SOX5: variants seen among roughly 807,000 people sequenced by gnomAD.
SOX5 encodes the protein SRY-box transcription factor 5, also known as transcription factor SOX-5.
In SOX5, 9 loss-of-function variants were observed where a neutral mutation model predicts 92.0. That is an observed-to-expected ratio of 0.10 (90% confidence interval 0.06 to 0.17). The LOEUF (loss-of-function observed/expected upper bound fraction) is 0.17, where lower values mean the gene tolerates loss of function less well. Among genes scored for constraint, SOX5 ranks in the 10% least tolerant of loss-of-function variants. The probability of loss-of-function intolerance (pLI) is 1.00; values close to 1 mark genes in which losing one functional copy is unlikely to be tolerated. For synonymous variants in SOX5, 344 were observed against 336.3 expected (o/e 1.02, Z -0.25); for missense variants, 642 against 944.5 (o/e 0.68, Z 4.20).
intron 3 of SOX5, among the ~76,000 whole-genome samples, chr12:24,257,231 T>C (rs534867444): frequency 3.3e-5 from 5 of 152,318 alleles, no homozygotes; most frequent in South Asian, 4.1e-4. Flanking sequence ...CTAATTATCA[T>C]TGCTAAATTT....
intron 2 of SOX5, among the ~76,000 whole-genome samples, chr12:24,340,909 ATCTGAGGAAAG>A (rs1952501780): frequency 6.6e-6 from 1 of 152,166 alleles, no homozygotes; most frequent in Admixed American, 6.5e-5. Context: ...GGTGGTTAGA[ATCTGAGGAAAG>A]GACTCAACAA....
rs1336855192 is a variant in SOX5 at position 24,453,918 on chromosome 12, G to C, written c.-250-85279C>G. Among the ~76,000 whole-genome samples, 3 of 152,118 alleles carry C rather than the reference G, an allele frequency of 2.0e-5. No individual in the cohort carries two copies. The East Asian group carries it at 5.8e-4, about 29-fold the overall frequency. ...AATAGCTCTTTCATTTTTGAAGGCC[G>C]AGTGTTTCCATTTTCTTGTATACTA... On this transcript the variant is annotated intron_variant, in intron 1 of 4. Transcript: ENST00000446891.
intron 6 of SOX5, among the ~76,000 whole-genome samples, chr12:23,707,440 C>G (rs1390296606): frequency 6.6e-6 from 1 of 152,112 alleles, no homozygotes; most frequent in African/African-American, 2.4e-5. Context: ...ATGAGTCAGA[C>G]TGAATGTGTA....
upstream of SOX5, among the ~76,000 whole-genome samples, chr12:23,952,661 T>C (rs1428430650): frequency 6.6e-6 from 1 of 152,148 alleles, no homozygotes; most frequent in Non-Finnish European, 1.5e-5. Context: ...GGAGTTGAAA[T>C]AGACGAGGAA....
intron 2 of SOX5, among the ~76,000 whole-genome samples, chr12:23,893,867 G>T (rs886382227): frequency 6.6e-5 from 10 of 152,162 alleles, no homozygotes; most frequent in African/African-American, 2.4e-4. Flanking sequence ...CATAACTTAC[G>T]TAAGCTCACA....
chr12:24,021,976 C>A (rs1954344448), intron 4 of SOX5, among the ~76,000 whole-genome samples: 1 of 152,188 alleles, frequency 6.6e-6, no homozygotes. Context: ...TATTTGTTCA[C>A]TTCTTTATCT....
intron 3 of SOX5, among the ~76,000 whole-genome samples, chr12:23,759,059 ACACACACT>A (rs1434147614): frequency 1.7e-5 from 2 of 118,524 alleles, no homozygotes; most frequent in Non-Finnish European, 3.8e-5. Flanking sequence ...ACACACACAC[ACACACACT>A]GTCCCTCATT....
At chr12:24,193,589 T>G (rs1237938855) in intron 4 of SOX5, among the ~76,000 whole-genome samples, 2 of 152,232 alleles carry the variant, frequency 1.3e-5, no homozygotes, top group East Asian at 3.8e-4. Flanking sequence ...TGCTATGCAC[T>G]CTCTTTGAGC....
At chr12:24,475,958 G>A (rs1945319363) in intron 1 of SOX5, among the ~76,000 whole-genome samples, 2 of 149,854 alleles carry the variant, frequency 1.3e-5, no homozygotes, top group Admixed American at 6.7e-5. Context: ...GTCTAGCCTG[G>A]ATGACAGAGC....
At chr12:24,281,008 G>GA (rs3031153) in intron 2 of SOX5, among the ~76,000 whole-genome samples, 18 of 141,908 alleles carry the variant, frequency 1.3e-4, no homozygotes, top group African/African-American at 4.7e-4. Flanking sequence ...AGAGAGGAAA[G>GA]AAAAAAAAAA....
At chr12:24,208,666 C>G (rs563632109) in intron 4 of SOX5, among the ~76,000 whole-genome samples, 1 of 152,168 alleles carries the variant, frequency 6.6e-6, no homozygotes, top group Non-Finnish European at 1.5e-5. Flanking sequence ...GATTTCACAT[C>G]GTATTCATTT....
At chr12:24,130,562 G>A (rs996007913) in intron 4 of SOX5, among the ~76,000 whole-genome samples, 1 of 152,124 alleles carries the variant, frequency 6.6e-6, no homozygotes, top group African/African-American at 2.4e-5. Context: ...GGTTTGCTGG[G>A]AGGAGCAGCA....
At chr12:24,031,845 T>C (rs1476206515) in intron 4 of SOX5, among the ~76,000 whole-genome samples, 2 of 151,762 alleles carry the variant, frequency 1.3e-5, no homozygotes, top group Non-Finnish European at 2.9e-5. Context: ...GGAGTGACAT[T>C]ATAAAGTTCT....
intron 4 of SOX5, among the ~76,000 whole-genome samples, chr12:24,047,718 A>G (rs1038119242): frequency 6.6e-6 from 1 of 152,224 alleles, no homozygotes; most frequent in South Asian, 2.1e-4. Flanking sequence ...TTATTCAACA[A>G]GATCATACTG....
chr12:24,324,943 T>C (rs1418093023), intron 2 of SOX5, among the ~76,000 whole-genome samples: 1 of 152,118 alleles, frequency 6.6e-6, no homozygotes, highest in Non-Finnish European at 1.5e-5. Flanking sequence ...ATAATGTAAA[T>C]ATTTACTCTT....
intron 3 of SOX5, among the ~76,000 whole-genome samples, chr12:23,756,184 C>A (rs945647141): frequency 4.0e-5 from 6 of 151,266 alleles, no homozygotes; most frequent in Non-Finnish European, 8.9e-5. Flanking sequence ...ATGTGTTTAA[C>A]ATCGTGTGGC....
rs546751417 is a variant in SOX5, at chr12:24,431,250, A to G, written c.-250-62611T>C. 1.3e-4 allele frequency among the ~76,000 whole-genome samples: 20 copies of G among 152,304 alleles called. No individual in the cohort carries two copies. The South Asian group carries it at 4.1e-3, about 32-fold the overall frequency. On this transcript the variant is annotated intron_variant, in intron 1 of 4. Transcript: ENST00000446891. ...GGTTCAAACTCACACCCTTCTGACT[A>G]TGATGCATGGATGCTTTCCATCCTA...
At chr12:23,772,602 T>C (rs1400872373) in intron 3 of SOX5, among the ~76,000 whole-genome samples, 4 of 152,202 alleles carry the variant, frequency 2.6e-5, no homozygotes, top group Non-Finnish European at 5.9e-5. Flanking sequence ...GCTTTACATA[T>C]GTTTATTTTT....
chr12:23,895,432 T>G (rs969645730), intron 2 of SOX5, among the ~76,000 whole-genome samples: 3 of 152,104 alleles, frequency 2.0e-5, no homozygotes, highest in Non-Finnish European at 4.4e-5. Context: ...CTATGTTCAT[T>G]GTAACTCTAC....
Sources: gnomAD v4.1 joint callset for allele counts (sites outside exome capture counted in the v4.1 genomes callset) on GRCh38, gnomAD v4.1.1 for gene constraint, MANE v1.5 for transcripts, NCBI Gene and HGNC (gene_info 2026-07-23, HGNC 2026-07-21) for gene names.